CLTRN: variants seen among roughly 807,000 people sequenced by gnomAD.
CLTRN encodes the protein collectrin.
Under a neutral mutation model 14.5 loss-of-function variants are expected in CLTRN, and 12 were observed. That is an observed-to-expected ratio of 0.83 (90% CI 0.53 to 1.34). The LOEUF (loss-of-function observed/expected upper bound fraction) is 1.34, where lower values mean the gene tolerates loss of function less well. CLTRN is among the 40% of genes most tolerant of loss of function. CLTRN has a pLI of 0.00. For synonymous variants in CLTRN, 58 were observed against 56.5 expected, an observed-to-expected ratio of 1.03 and a Z score of -0.12; for missense variants, 154 against 165.1, an observed-to-expected ratio of 0.93 and a Z score of 0.37.
rs757908162 is a variant in CLTRN, at chrX:15,645,056, A to T, written c.204-27T>A. The T allele has an allele frequency of 5.2e-6, 5 of 965,499 alleles. No individual in the cohort carries two copies. The East Asian group carries it at 1.3e-4, about 24-fold the overall frequency. The allele number at this position is 965,499 out of a possible 1,213,427, so 79.6% of individuals were successfully genotyped here. On this transcript the variant is annotated intron_variant, in intron 3 of 5. Coordinates refer to ENST00000380342, the MANE Select transcript of CLTRN (RefSeq NM_020665.6). ...TGCAGACAGTGGAAAGAAAAAATAC[A>T]TGAGAAGAATATCATACCAAATGGC...
At chrX:15,642,569 C>A (rs900669316) in intron 4 of CLTRN, among the ~76,000 whole-genome samples, 7 of 111,981 alleles carry the variant, frequency 6.3e-5, no homozygotes, top group African/African-American at 2.3e-4. Flanking sequence ...GCTTCCTGGA[C>A]CTTCACCCTA....
intron 5 of CLTRN, among the ~76,000 whole-genome samples, chrX:15,631,044 A>C (rs1230011452): frequency 1.8e-5 from 2 of 112,256 alleles, no homozygotes; most frequent in Admixed American, 9.5e-5. Flanking sequence ...GAAGAGATAC[A>C]GTCCTTGTCC....
intron 2 of CLTRN, among the ~76,000 whole-genome samples, chrX:15,660,806 C>CCAACAACAA (rs35179264): frequency 7.8e-4 from 79 of 101,439 alleles, no homozygotes; most frequent in African/African-American, 1.5e-3. Flanking sequence ...GACCCTGTCT[C>CCAACAACAA]CAACAACAAC....
At chrX:15,671,487 T>C (rs1929716751) in intron 1 of CLTRN, among the ~76,000 whole-genome samples, 1 of 110,915 alleles carries the variant, frequency 9.0e-6, no homozygotes. Context: ...TGTAGATGCA[T>C]CTGAAAAGCC....
At chrX:15,672,407 A>G (rs1929735479) in intron 1 of CLTRN, among the ~76,000 whole-genome samples, 1 of 107,630 alleles carries the variant, frequency 9.3e-6, no homozygotes, top group Non-Finnish European at 1.9e-5. Flanking sequence ...GGTCTATGAA[A>G]TAGTATTTTC....
chrX:15,630,809 T>A (rs1928677191), intron 5 of CLTRN, among the ~76,000 whole-genome samples: 1 of 111,433 alleles, frequency 9.0e-6, no homozygotes, highest in South Asian at 3.8e-4. Flanking sequence ...TGGGTTGGGG[T>A]GGACATAGAT....
At chrX:15,659,177 CCTCT>C (rs966706013) in intron 2 of CLTRN, 76 bp from the exon 3 acceptor site, 50 of 409,041 alleles carry the variant, frequency 1.2e-4, no homozygotes, top group East Asian at 3.1e-4. Flanking sequence ...AGTGGCTCTC[CCTCT>C]CTCTCTCTCT....
chrX:15,649,176 G>GA (rs1448380906), intron 3 of CLTRN, among the ~76,000 whole-genome samples: 4 of 108,590 alleles, frequency 3.7e-5, no homozygotes, highest in Non-Finnish European at 7.7e-5. Flanking sequence ...GTACTATAAA[G>GA]AAAAAAAAAT....
upstream of CLTRN, chrX:15,664,808 G>C (rs780121073): frequency 1.8e-6 from 2 of 1,099,970 alleles, no homozygotes; most frequent in East Asian, 6.3e-5. Flanking sequence ...GGCAAAGTGA[G>C]AAAAAAAAAA....
At chrX:15,635,522 A>G (rs1344079708) in intron 5 of CLTRN, among the ~76,000 whole-genome samples, 1 of 112,560 alleles carries the variant, frequency 8.9e-6, no homozygotes, top group Admixed American at 9.4e-5. Flanking sequence ...GCAAGAACAC[A>G]CAATGAGGAA....
chrX:15,663,598 A>C (rs1204298205), intron 2 of CLTRN, among the ~76,000 whole-genome samples: 1 of 112,198 alleles, frequency 8.9e-6, no homozygotes, highest in Non-Finnish European at 1.9e-5. Context: ...TCATTGAGTC[A>C]ATAATAAAAT....
At chrX:15,635,577 C>T (rs1354093394) in intron 5 of CLTRN, among the ~76,000 whole-genome samples, 4 of 111,103 alleles carry the variant, frequency 3.6e-5, no homozygotes, top group Non-Finnish European at 7.6e-5. Flanking sequence ...CTGGATATCT[C>T]GATGCAAAAG....
chrX:15,643,094 C>A (rs5935999), intron 4 of CLTRN, among the ~76,000 whole-genome samples: 7 of 110,077 alleles, frequency 6.4e-5, no homozygotes, highest in Non-Finnish European at 1.3e-4. Context: ...CCAGACTCTG[C>A]CTCTTAAAAA....
intron 2 of CLTRN, among the ~76,000 whole-genome samples, chrX:15,663,976 G>A (rs1235573276): frequency 8.9e-6 from 1 of 111,742 alleles, no homozygotes. Flanking sequence ...GTAGAAAATC[G>A]AGGCTAACAA....
At chrX:15,668,718 A>C (rs1303118454), upstream of CLTRN, among the ~76,000 whole-genome samples, 1 of 111,774 alleles carries the variant, frequency 8.9e-6, no homozygotes, top group African/African-American at 3.3e-5. Flanking sequence ...AAATACATAT[A>C]ATGTACCAGA....
chrX:15,631,146 C>G (rs1928685671), intron 5 of CLTRN, among the ~76,000 whole-genome samples: 1 of 112,144 alleles, frequency 8.9e-6, no homozygotes, highest in South Asian at 3.7e-4. Flanking sequence ...AATGTTTCTT[C>G]TAAAGATGAA....
intron 3 of CLTRN, among the ~76,000 whole-genome samples, chrX:15,649,451 T>C (rs1601729045): frequency 1.8e-5 from 2 of 112,425 alleles, no homozygotes; most frequent in Admixed American, 1.9e-4. Context: ...TATTGTTAGA[T>C]AGAAAAAGTT....
chrX:15,629,430 T>A (rs757509678), intron 5 of CLTRN, among the ~76,000 whole-genome samples: 16 of 110,752 alleles, frequency 1.4e-4, no homozygotes, highest in South Asian at 3.8e-4. Context: ...TAAAAAAAAA[T>A]TTTTTTTAAA....
At chrX:15,669,755 T>C (rs1929682626), upstream of CLTRN, among the ~76,000 whole-genome samples, 1 of 112,212 alleles carries the variant, frequency 8.9e-6, no homozygotes, top group African/African-American at 3.2e-5. Flanking sequence ...TGACCAATGT[T>C]TCTTTTAAAA....
Sources: allele counts gnomAD v4.1 joint callset (sites outside exome capture counted in the v4.1 genomes callset), GRCh38; gene constraint gnomAD v4.1.1; transcripts MANE v1.5; gene names NCBI Gene and HGNC (gene_info 2026-07-23, HGNC 2026-07-21).